The following FBXL19 variants were observed in gnomAD, a reference collection of about 807,000 sequenced individuals.
FBXL19 encodes the protein F-box/LRR-repeat protein 19.
FBXL19 carries 16 observed loss-of-function variants against 71.2 expected under a neutral mutation model. The ratio of observed to expected loss-of-function variants is 0.22; its 90% CI spans 0.15 to 0.34. The LOEUF is 0.34. Among genes scored for constraint, FBXL19 ranks in the 10% least tolerant of loss-of-function variants. FBXL19 has a pLI of 1.00. For missense variants in FBXL19, 658 were observed against 968.2 expected (o/e 0.68, Z 4.25); for synonymous variants, 447 against 409.4 (o/e 1.09, Z -1.11).
In FBXL19 at chr16:30,946,569, C is replaced by T. The variant is rs1261038108; in HGVS notation, c.1628-161C>T. Among the ~76,000 whole-genome samples the T allele has an allele frequency of 6.6e-6, 1 of 152,204 alleles. No homozygotes were observed. Among genetic ancestry groups the T allele is most frequent in the Non-Finnish European group, 1.5e-5 (1 of 68,038 alleles). ...CCGAGGAGGTGATGTGAGGAGTGGA[C>T]AGATGAGGTCAGGCCATGAGGGTGT... On this transcript the variant is annotated intron_variant, in intron 9 of 10. Coordinates refer to ENST00000338343, the MANE Select transcript of FBXL19 (RefSeq NM_001382779.1). This position sits in a 1 kb window ranked among gnomAD's most constrained non-coding sequence, Gnocchi z 6.7.
At chr16:30,928,122 G>C (rs1278817823) in intron 5 of FBXL19, among the ~76,000 whole-genome samples, 159 bp downstream of exon 5, 2 of 150,902 alleles carry the variant, frequency 1.3e-5, no homozygotes, top group Non-Finnish European at 3.0e-5. Context: ...GGGGAGGATA[G>C]AGCATGCTCA....
At chr16:30,940,229 GC>G (rs1431765375) in intron 7 of FBXL19, among the ~76,000 whole-genome samples, 3 of 151,552 alleles carry the variant, frequency 2.0e-5, no homozygotes, top group Non-Finnish European at 2.9e-5. Flanking sequence ...TTGCACTCCA[GC>G]CTGGGCAACA....
intron 9 of FBXL19, among the ~76,000 whole-genome samples, chr16:30,943,248 G>A (rs1025571440): frequency 1.4e-4 from 21 of 152,052 alleles, no homozygotes; most frequent in African/African-American, 4.8e-4. Context: ...GAGTGCAGTG[G>A]CAAGATCTCG....
intron 7 of FBXL19, among the ~76,000 whole-genome samples, chr16:30,933,456 G>GT (rs932142047): frequency 2.0e-5 from 3 of 150,290 alleles, no homozygotes; most frequent in African/African-American, 7.4e-5. Flanking sequence ...TGTTTGTTTT[G>GT]TTTTTCTTTT....
At chr16:30,928,001 G>A in intron 5 of FBXL19, 38 bp downstream of exon 5, 2 of 1,341,736 alleles carry the variant, frequency 1.5e-6, no homozygotes, top group Non-Finnish European at 2.0e-6. Flanking sequence ...TTGTCCTGAG[G>A]AATTCTGGGA....
In FBXL19 at chr16:30,923,723, A is replaced by G. The variant is rs1288338353; in HGVS notation, c.-761A>G. On this transcript the variant is annotated 5_prime_UTR_variant, in exon 1 of 11. Coordinates refer to ENST00000338343, the MANE Select transcript of FBXL19 (RefSeq NM_001382779.1). ...CTCTCCCCCTCTATCCTTTCCTTCC[A>G]CCCTCCCGCTTGAGGAGGGGGATTT... is the stretch of plus-strand genomic sequence containing the variant. Among the ~76,000 whole-genome samples, 11 of 144,762 alleles carry G rather than the reference A, an allele frequency of 7.6e-5. No homozygotes were observed. In the Admixed American group the frequency reaches 7.7e-4, roughly 10 times the overall value. 95.0% of individuals were successfully genotyped at this position (144,762 alleles called of 152,430 possible).
intron 9 of FBXL19, among the ~76,000 whole-genome samples, chr16:30,945,849 GAAAAAAAAAAAAA>G (rs11464927): frequency 8.1e-5 from 7 of 86,820 alleles, no homozygotes; most frequent in East Asian, 4.0e-4. Context: ...CCGTCTCGGG[GAAAAAAAAAAAAA>G]AAAAAAAAAA....
In FBXL19 at chr16:30,930,123, G is replaced by A. The variant is rs369314821; in HGVS notation, c.840G>A (p.Pro280=). ...CAGAGGGCCCAGCGGTGCCGTCCCC[G>A]TCCCCGCAGAGGGAGAAGCTAGAGC... ...ASAEGPAVPS[P]SPQREKLERF... Residue 280 remains proline, a synonymous_variant, in exon 7 of 11, where the codon CCG becomes CCA. Coordinates refer to ENST00000338343, the MANE Select transcript of FBXL19 (RefSeq NM_001382779.1). This position sits in a 1 kb window ranked among gnomAD's most constrained non-coding sequence, Gnocchi z 8.5. 1.4e-5 allele frequency: 22 copies of A among 1,613,432 alleles called. No individual in the cohort carries two copies. Among genetic ancestry groups the A allele is most frequent in the Middle Eastern group, 3.3e-4 (2 of 6,084 alleles).
In FBXL19 at chr16:30,925,726, T is replaced by TA; in HGVS notation, c.-24-4dup. The TA allele has an allele frequency of 6.7e-7, 1 of 1,492,988 alleles. No individual in the cohort carries two copies. The highest frequency in any genetic ancestry group is 8.9e-7 in the Non-Finnish European group (1 of 1,126,890). 92.5% of individuals were successfully genotyped at this position (1,492,988 alleles called of 1,614,324 possible). On this transcript the variant is annotated splice_region_variant and splice_polypyrimidine_tract_variant and intron_variant, in intron 1 of 10. Coordinates refer to ENST00000338343, the MANE Select transcript of FBXL19 (RefSeq NM_001382779.1). This position sits in a 1 kb window ranked among gnomAD's most constrained non-coding sequence, Gnocchi z 5.0. ...CCATCTGACCCTGCCACCATCCACC[T>TA]ACAGCCCTCGGCGTTGCTGACGCCC...
chr16:30,928,395 C>A, intron 5 of FBXL19, 72 bp from the exon 6 acceptor site: 1 of 1,417,340 alleles, frequency 7.1e-7, no homozygotes, highest in Non-Finnish European at 9.3e-7. Context: ...AGGGCATGGA[C>A]CTTAGATTTC....
At chr16:30,941,368 T>C (rs1050071400) in intron 7 of FBXL19, among the ~76,000 whole-genome samples, 8 of 152,154 alleles carry the variant, frequency 5.3e-5, no homozygotes, top group African/African-American at 1.9e-4. Context: ...TGGTCCCAGC[T>C]ACTCAGGAGG....
At chr16:30,923,212 G>A (rs1337353622), upstream of FBXL19, 3 of 456,458 alleles carry the variant, frequency 6.6e-6, no homozygotes, top group Admixed American at 2.4e-5. Flanking sequence ...GAAGGAGGTC[G>A]GGTCGGGGGA....
rs1487771253 is a variant in FBXL19 at position 30,923,706 on chromosome 16, CT to C, written c.-777del. On this transcript the variant is annotated 5_prime_UTR_variant, in exon 1 of 11. Coordinates refer to ENST00000338343, the MANE Select transcript of FBXL19 (RefSeq NM_001382779.1). ...GCCCCCTTCCCCTTTCCCTCTCCCC[CT>C]CTATCCTTTCCTTCCACCCTCCCGC... is the stretch of plus-strand genomic sequence containing the variant. 6.6e-6 allele frequency among the ~76,000 whole-genome samples: 1 copy of C among 151,738 alleles called. No individual in the cohort carries two copies. The highest frequency in any genetic ancestry group is 1.5e-5 in the Non-Finnish European group (1 of 67,882).
At chr16:30,937,925 A>C (rs1240132116) in intron 7 of FBXL19, among the ~76,000 whole-genome samples, 2 of 152,102 alleles carry the variant, frequency 1.3e-5, no homozygotes, top group Admixed American at 1.3e-4. Flanking sequence ...CACAGTGGGC[A>C]GAGAGAGGTT....
At position 30,924,002 on chromosome 16, in the gene FBXL19, G is replaced by T. The variant is rs1391966089; in HGVS notation, c.-482G>T. On this transcript the variant is annotated 5_prime_UTR_variant, in exon 1 of 11. Transcript: ENST00000338343. ...GCTTGAACCCCGGAAACGGTGGGGG[G>T]GGCCCAGGCCTGGCACTGGACCCCT... 2.0e-5 allele frequency: 3 copies of T among 151,430 alleles called. No homozygotes were observed. The highest frequency in any genetic ancestry group is 4.4e-5 in the Non-Finnish European group (3 of 67,804). 9.4% of individuals were successfully genotyped at this position (151,430 alleles called of 1,614,324 possible). A position where few individuals can be genotyped will look rare whatever the true frequency, so the allele number is the denominator to read the frequency against.
chr16:30,923,039 A>G (rs1321355133), upstream of FBXL19: 1 of 456,818 alleles, frequency 2.2e-6, no homozygotes, highest in South Asian at 1.5e-5. Context: ...AGTCAGGTGT[A>G]TGTCCCTCTT....
chr16:30,925,846 G>T lies in FBXL19; in HGVS notation c.92G>T (p.Gly31Val), dbSNP rs2143304912. The change falls in exon 2 of 11, where the codon GGG becomes GTG. Residue 31 changes from glycine to valine, a missense_variant. By Grantham distance (109) the Gly-to-Val change is moderately radical. This residue lies in a region of FBXL19 where 33 missense variants were observed against 75.4 expected (regional missense o/e 0.44). Coordinates refer to ENST00000338343, the MANE Select transcript of FBXL19 (RefSeq NM_001382779.1). The surrounding 1 kb of genome is among the most constrained non-coding windows in gnomAD (Gnocchi z 5.0). The stretch of plus-strand genomic sequence containing the variant: ...CGGGCCTGTGTGCGAACTGAGTGCG[G>T]GGATTGCCACTTCTGCCGAGACATG... Reference protein sequence around the residue: ...RCRACVRTECGDCHFCRDMKK... With the variant: ...RCRACVRTECVDCHFCRDMKK... The T allele has an allele frequency of 6.6e-7, 1 of 1,513,608 alleles. No individual in the cohort carries two copies. Among genetic ancestry groups the T allele is most frequent in the African/African-American group, 1.4e-5 (1 of 69,468 alleles). The allele number at this position is 1,513,608 out of a possible 1,614,324, so 93.8% of individuals were successfully genotyped here.
Position 30,924,726 on chromosome 16 carries a change from C to T in FBXL19, c.-25+267C>T, listed in dbSNP as rs940165018. On this transcript the variant is annotated intron_variant, in intron 1 of 10. Coordinates refer to ENST00000338343, the MANE Select transcript of FBXL19 (RefSeq NM_001382779.1). ...CTGGAGCGCTGGAGGGCCCCTTAGC[C>T]CCATGGATGGGTATGAAAGTCCCCG... The T allele has an allele frequency of 7.3e-6, 11 of 1,500,922 alleles. 1 individual carries two copies. The South Asian group carries it at 1.4e-4, about 19-fold the overall frequency. The allele number at this position is 1,500,922 out of a possible 1,614,324, so 93.0% of individuals were successfully genotyped here. A position where few individuals can be genotyped will look rare whatever the true frequency, so the allele number is the denominator to read the frequency against.
chr16:30,942,533 C>T lies in FBXL19; in HGVS notation c.1624C>T (p.Pro542Ser). 1 of 1,582,424 alleles carries T rather than the reference C, an allele frequency of 6.3e-7. No homozygotes were observed. The highest frequency in any genetic ancestry group is 8.6e-7 in the Non-Finnish European group (1 of 1,163,478). Residue 542 changes from proline to serine, a missense_variant, in exon 9 of 11, where the codon CCA becomes TCA. Physicochemically the swap from Pro to Ser is moderately conservative, Grantham distance 74 (BLOSUM62 -1). Transcript: ENST00000338343. The surrounding 1 kb of genome is among the most constrained non-coding windows in gnomAD (Gnocchi z 5.7). Reference protein sequence around the residue: ...ELLLPPPDTKPGQTESRGRLQ... With the variant: ...ELLLPPPDTKSGQTESRGRLQ... ...GCTGCTGCCTCCACCAGACACCAAA[C>T]CAGGTGCAACCTCTGTTTGCTTTTC... is the stretch of plus-strand genomic sequence containing the variant.
Sources: allele counts gnomAD v4.1 joint callset (sites outside exome capture counted in the v4.1 genomes callset), GRCh38; gene constraint gnomAD v4.1.1; regional missense constraint gnomAD v4.1.1; non-coding constraint Gnocchi (gnomAD v3.1); transcripts MANE v1.5; gene names NCBI Gene and HGNC (gene_info 2026-07-23, HGNC 2026-07-21).